DIS3L2: variants seen among roughly 807,000 people sequenced by gnomAD.
DIS3L2 encodes the protein DIS3-like exonuclease 2.
DIS3L2 carries 34 observed loss-of-function variants against 97.5 expected under a neutral mutation model. That is an observed-to-expected ratio of 0.35 (90% confidence interval 0.27 to 0.46). The LOEUF (loss-of-function observed/expected upper bound fraction) is 0.46, where lower values mean the gene tolerates loss of function less well. DIS3L2 is among the 20% of genes least tolerant of loss of function. The pLI, the probability that DIS3L2 is intolerant of heterozygous loss-of-function variation, is 1.00. For synonymous variants in DIS3L2, 435 were observed against 445.2 expected (o/e 0.98, Z 0.29); for missense variants, 1,038 against 1,146.0 (o/e 0.91, Z 1.36).
chr2:232,291,508 T>C (rs1694597432), intron 13 of DIS3L2, among the ~76,000 whole-genome samples: 1 of 152,230 alleles, frequency 6.6e-6, no homozygotes, highest in Non-Finnish European at 1.5e-5. Flanking sequence ...GAGTCAACCG[T>C]GGAGAGGCTG....
At chr2:232,246,337 A>G (rs1239078864) in intron 11 of DIS3L2, among the ~76,000 whole-genome samples, 3 of 152,366 alleles carry the variant, frequency 2.0e-5, no homozygotes, top group African/African-American at 7.2e-5. Context: ...GGTGTTCCAG[A>G]AAGAGGGACC....
At chr2:232,063,743 G>A (rs996079532) in intron 5 of DIS3L2, among the ~76,000 whole-genome samples, 1 of 152,028 alleles carries the variant, frequency 6.6e-6, no homozygotes, top group Non-Finnish European at 1.5e-5. Context: ...AGTTAGGGAT[G>A]TGCTTTGTGG....
At chr2:232,329,786 C>CCCAGGGG in intron 14 of DIS3L2, 27 bp from the exon 15 acceptor site, 1 of 430,236 alleles carries the variant, frequency 2.3e-6, no homozygotes, top group African/African-American at 2.1e-5. Context: ...CCCCAGCGGT[C>CCCAGGGG]CCTCCCATCC....
At chr2:232,207,082 T>C (rs1016556746) in intron 9 of DIS3L2, among the ~76,000 whole-genome samples, 4 of 152,222 alleles carry the variant, frequency 2.6e-5, no homozygotes, top group African/African-American at 9.6e-5. Flanking sequence ...AATGGAGTTC[T>C]TTTTGATTTT....
At chr2:231,984,857 G>A (rs1343355551) in intron 1 of DIS3L2, among the ~76,000 whole-genome samples, 1 of 152,170 alleles carries the variant, frequency 6.6e-6, no homozygotes, top group Non-Finnish European at 1.5e-5. Flanking sequence ...CTGACCTCAA[G>A]TTATCTGCCT....
At position 232,321,336 on chromosome 2, in the gene DIS3L2, G is replaced by C. The variant is rs193144603; in HGVS notation, c.1740-8477G>C. On this transcript the variant is annotated intron_variant, in intron 14 of 20. Transcript: ENST00000325385. ...ATGGAGCTCACCAGGGAAAACATGG[G>C]GGATGCCTGGATGCATTGCCCAGCT... Among the ~76,000 whole-genome samples, 1,115 of 152,260 alleles carry C rather than the reference G, an allele frequency of 7.3e-3. 11 individuals carry two copies. The highest frequency in any genetic ancestry group is 0.022 in the African/African-American group (915 of 41,556).
chr2:232,051,838 A>T (rs1339819609), intron 5 of DIS3L2, among the ~76,000 whole-genome samples: 2 of 148,666 alleles, frequency 1.3e-5, no homozygotes, highest in Admixed American at 6.7e-5. Context: ...AAAAAAAAAA[A>T]AGAACTAGCT....
Position 232,271,801 on chromosome 2 carries a change from C to T in DIS3L2, c.1659+8361C>T, listed in dbSNP as rs566617729. Among the ~76,000 whole-genome samples, 4 of 152,078 alleles carry T rather than the reference C, an allele frequency of 2.6e-5. No homozygotes were observed. The East Asian group carries it at 5.8e-4, about 22-fold the overall frequency. ...CTGAGCTTTGGGGAGAACCTGGGAGCGTGAATTTCAGCCGTCGCGGGTGTT... is the reference window on the plus strand; with the variant it reads ...CTGAGCTTTGGGGAGAACCTGGGAGTGTGAATTTCAGCCGTCGCGGGTGTT... On this transcript the variant is annotated intron_variant, in intron 13 of 20. Transcript: ENST00000325385.
At chr2:232,115,678 G>A (rs1432959626) in intron 6 of DIS3L2, among the ~76,000 whole-genome samples, 1 of 152,140 alleles carries the variant, frequency 6.6e-6, no homozygotes, top group African/African-American at 2.4e-5. Flanking sequence ...GTTCTCACAA[G>A]ATCTGATGAT....
intron 1 of DIS3L2, among the ~76,000 whole-genome samples, chr2:232,002,379 G>C (rs1167270756): frequency 6.6e-6 from 1 of 152,032 alleles, no homozygotes; most frequent in Non-Finnish European, 1.5e-5. Flanking sequence ...TGAATTTTAG[G>C]ATTGCTTTTT....
intron 14 of DIS3L2, among the ~76,000 whole-genome samples, chr2:232,323,514 T>C (rs1344594140): frequency 6.6e-6 from 1 of 152,144 alleles, no homozygotes; most frequent in African/African-American, 2.4e-5. Flanking sequence ...CACTCACCTA[T>C]AGAAAGGCCC....
intron 1 of DIS3L2, among the ~76,000 whole-genome samples, chr2:231,985,676 A>G (rs1343976439): frequency 1.3e-5 from 2 of 152,298 alleles, no homozygotes; most frequent in Admixed American, 1.3e-4. Flanking sequence ...CCATACACAC[A>G]CAAATATAAA....
intron 20 of DIS3L2, chr2:232,336,171 AGTTTACACC>A: frequency 6.5e-7 from 1 of 1,533,796 alleles, no homozygotes; most frequent in Non-Finnish European, 8.8e-7. Context: ...GAAAGCTATG[AGTTTACACC>A]CAAGAAATTG....
At chr2:232,077,474 A>G (rs1696228084) in intron 5 of DIS3L2, among the ~76,000 whole-genome samples, 1 of 152,146 alleles carries the variant, frequency 6.6e-6, no homozygotes, top group Non-Finnish European at 1.5e-5. Context: ...AGTGGCTGCA[A>G]ATGCCATTTA....
At chr2:232,340,381 C>T (rs1396329817), downstream of DIS3L2, among the ~76,000 whole-genome samples, 1 of 152,130 alleles carries the variant, frequency 6.6e-6, no homozygotes, top group Non-Finnish European at 1.5e-5. Context: ...AGAGGGATGG[C>T]TGGAATCATT....
At chr2:232,193,379 A>G (rs949274876) in intron 9 of DIS3L2, among the ~76,000 whole-genome samples, 20 of 152,232 alleles carry the variant, frequency 1.3e-4, no homozygotes, top group Non-Finnish European at 4.4e-5. Context: ...ACTTTCTTTA[A>G]TAAAAGGGAT....
chr2:232,334,908 C>T (rs1695890620), intron 19 of DIS3L2, 173 bp downstream of exon 19: 1 of 600,302 alleles, frequency 1.7e-6, no homozygotes, highest in Non-Finnish European at 2.9e-6. Flanking sequence ...GATGGTGGCT[C>T]CAGGCCCAGG....
chr2:232,138,582 C>T (rs905576351), intron 8 of DIS3L2, among the ~76,000 whole-genome samples: 4 of 151,802 alleles, frequency 2.6e-5, no homozygotes, highest in African/African-American at 7.3e-5. Context: ...TGTTGGTGGT[C>T]GCCTTGCCAT....
chr2:232,329,785 T>TGCCCGGGGGGCCCCCC, intron 14 of DIS3L2, 28 bp from the exon 15 acceptor site: 7 of 967,116 alleles, frequency 7.2e-6, no homozygotes, highest in Non-Finnish European at 1.0e-5. Context: ...ACCCCAGCGG[T>TGCCCGGGGGGCCCCCC]CCCTCCCATC....
Sources: gnomAD v4.1 joint callset for allele counts (sites outside exome capture counted in the v4.1 genomes callset) on GRCh38, gnomAD v4.1.1 for gene constraint, MANE v1.5 for transcripts, NCBI Gene and HGNC (gene_info 2026-07-23, HGNC 2026-07-21) for gene names.